KIAA0825: variants seen among roughly 807,000 people sequenced by gnomAD.
The protein encoded by KIAA0825 is uncharacterized protein KIAA0825.
A neutral mutation model predicts 147.6 loss-of-function variants in KIAA0825; 119 were observed. That is an observed-to-expected ratio of 0.81 (90% CI 0.69 to 0.94). KIAA0825 has a LOEUF of 0.94. Ranked by LOEUF, KIAA0825 falls within the 40% of genes least tolerant of loss-of-function variation. The pLI is 0.00. For synonymous variants in KIAA0825, 470 were observed against 518.1 expected (o/e 0.91, Z 1.26); for missense variants, 1,381 against 1,472.7 (o/e 0.94, Z 1.02).
chr5:94,403,786 CG>C lies in KIAA0825; in HGVS notation c.2669del (p.Thr890SerfsTer7). ...WDFLYNIPVS[T>X]CVEYELEVIR... ...TGACCTCTAGCTCGTACTCCACGCA[CG>C]TTGAGACTTTAAAATCAGATGGCAT... On this transcript the variant is annotated frameshift_variant, in exon 16 of 21. Transcript: ENST00000682413. LOFTEE classifies it high-confidence loss of function. The C allele has an allele frequency of 6.4e-7, 1 of 1,551,168 alleles. No individual in the cohort carries two copies. The highest frequency in any genetic ancestry group is 8.7e-7 in the Non-Finnish European group (1 of 1,146,672).
At chr5:94,341,586 GTGAAAC>G (rs1342783714) in intron 20 of KIAA0825, among the ~76,000 whole-genome samples, 1 of 152,192 alleles carries the variant, frequency 6.6e-6, no homozygotes. Context: ...TAATGAAAGA[GTGAAAC>G]TGAAGATGTG....
chr5:94,324,193 G>A (rs1780465593), intron 20 of KIAA0825, among the ~76,000 whole-genome samples: 1 of 151,990 alleles, frequency 6.6e-6, no homozygotes, highest in Non-Finnish European at 1.5e-5. Context: ...ACTGTCAAGG[G>A]TGTGAGCCAA....
At chr5:94,368,934 G>A (rs911413753) in intron 20 of KIAA0825, among the ~76,000 whole-genome samples, 1 of 152,066 alleles carries the variant, frequency 6.6e-6, no homozygotes, top group Non-Finnish European at 1.5e-5. Flanking sequence ...TTGGGAGGTT[G>A]AGCCAAGCAG....
At chr5:94,230,932 A>G (rs567019530) in intron 20 of KIAA0825, among the ~76,000 whole-genome samples, 1 of 152,182 alleles carries the variant, frequency 6.6e-6, no homozygotes, top group Non-Finnish European at 1.5e-5. Context: ...CAATTGTTGT[A>G]GCCTCCAAAT....
At chr5:94,392,324 C>G (rs1473102233) in intron 17 of KIAA0825, among the ~76,000 whole-genome samples, 1 of 152,146 alleles carries the variant, frequency 6.6e-6, no homozygotes, top group Non-Finnish European at 1.5e-5. Context: ...AAGTCACTAT[C>G]TTGATTATTC....
At chr5:94,552,915 C>T (rs1383182902) in intron 2 of KIAA0825, among the ~76,000 whole-genome samples, 2 of 152,134 alleles carry the variant, frequency 1.3e-5, no homozygotes, top group Non-Finnish European at 2.9e-5. Context: ...CACAAAATTA[C>T]AGCTAGATAG....
At chr5:94,607,205 C>G (rs1277578353) in intron 1 of KIAA0825, among the ~76,000 whole-genome samples, 1 of 151,974 alleles carries the variant, frequency 6.6e-6, no homozygotes, top group Non-Finnish European at 1.5e-5. Context: ...CTACAAACTT[C>G]TGAAGGAATC....
chr5:94,503,509 T>G (rs1164627462), intron 5 of KIAA0825, among the ~76,000 whole-genome samples: 1 of 152,164 alleles, frequency 6.6e-6, no homozygotes, highest in Non-Finnish European at 1.5e-5. Flanking sequence ...AACTTGGCTG[T>G]CTTCTTTGAC....
At chr5:94,255,448 A>G (rs1370052323) in intron 20 of KIAA0825, among the ~76,000 whole-genome samples, 1 of 151,982 alleles carries the variant, frequency 6.6e-6, no homozygotes, top group East Asian at 1.9e-4. Flanking sequence ...GCAGCTTGGC[A>G]TAGCTATGGA....
At chr5:94,272,125 A>T (rs1174186006) in intron 20 of KIAA0825, among the ~76,000 whole-genome samples, 1 of 151,368 alleles carries the variant, frequency 6.6e-6, no homozygotes, top group African/African-American at 2.4e-5. Context: ...AAAAAAAAAA[A>T]AAAAAAACTA....
At chr5:94,200,508 T>C (rs1771568056) in intron 20 of KIAA0825, among the ~76,000 whole-genome samples, 1 of 152,054 alleles carries the variant, frequency 6.6e-6, no homozygotes. Context: ...ATCTTGGCCC[T>C]TTCTCCTTAC....
chr5:94,452,145 T>G (rs1758493862), intron 13 of KIAA0825, among the ~76,000 whole-genome samples: 1 of 152,176 alleles, frequency 6.6e-6, no homozygotes, highest in Non-Finnish European at 1.5e-5. Flanking sequence ...TATGTCTCAT[T>G]AATGTTGGAT....
chr5:94,472,511 T>C (rs1028422406), intron 8 of KIAA0825, among the ~76,000 whole-genome samples: 32 of 152,148 alleles, frequency 2.1e-4, no homozygotes, highest in Admixed American at 7.2e-4. Context: ...TTCAGGAGGC[T>C]GAGGCGGGCG....
At chr5:94,257,354 A>G (rs1776297540) in intron 20 of KIAA0825, among the ~76,000 whole-genome samples, 2 of 152,270 alleles carry the variant, frequency 1.3e-5, no homozygotes, top group South Asian at 4.1e-4. Flanking sequence ...TGCTTAACCT[A>G]TATTTTAAAA....
At chr5:94,599,942 C>G (rs1403372895) in intron 1 of KIAA0825, among the ~76,000 whole-genome samples, 2 of 151,574 alleles carry the variant, frequency 1.3e-5, no homozygotes, top group African/African-American at 2.4e-5. Flanking sequence ...GTCCACCCCC[C>G]CAAAAAAAAG....
At chr5:94,487,907 T>A (rs1055661975) in intron 5 of KIAA0825, among the ~76,000 whole-genome samples, 2 of 152,112 alleles carry the variant, frequency 1.3e-5, no homozygotes, top group African/African-American at 4.8e-5. Context: ...GAGCCAAGAT[T>A]GTGCCACTGC....
intron 20 of KIAA0825, among the ~76,000 whole-genome samples, chr5:94,339,460 G>A (rs1782139464): frequency 6.6e-6 from 1 of 152,098 alleles, no homozygotes; most frequent in African/African-American, 2.4e-5. Flanking sequence ...AATCAAAGTA[G>A]AAAAACATTG....
At chr5:94,473,166 G>A in intron 8 of KIAA0825, 126 bp downstream of exon 8, 1 of 690,546 alleles carries the variant, frequency 1.4e-6, no homozygotes, top group Non-Finnish European at 2.4e-6. Context: ...AACTGGTACT[G>A]GGTCAAGTAC....
At chr5:94,617,474 T>C (rs1453173376) in intron 1 of KIAA0825, among the ~76,000 whole-genome samples, 1 of 152,190 alleles carries the variant, frequency 6.6e-6, no homozygotes, top group African/African-American at 2.4e-5. Context: ...ATTGCATTTT[T>C]CTTTATCGGT....
Sources: gnomAD v4.1 joint callset for allele counts (sites outside exome capture counted in the v4.1 genomes callset) on GRCh38, gnomAD v4.1.1 for gene constraint, MANE v1.5 for transcripts, NCBI Gene and HGNC (gene_info 2026-07-23, HGNC 2026-07-21) for gene names.